The following NTRK3 variants were observed in gnomAD, a reference collection of about 807,000 sequenced individuals.
The protein encoded by NTRK3 is NT-3 growth factor receptor.
NTRK3 carries 24 observed loss-of-function variants against 91.7 expected under a neutral mutation model. The observed-to-expected ratio is 0.26, with a 90% CI of 0.19 to 0.37. The LOEUF is 0.37. NTRK3 is among the 10% of genes least tolerant of loss of function. The probability of loss-of-function intolerance (pLI) is 1.00; values close to 1 mark genes in which losing one functional copy is unlikely to be tolerated. For missense variants in NTRK3, 880 were observed against 1,068.9 expected (o/e 0.82, Z 2.46); for synonymous variants, 483 against 404.0 (o/e 1.20, Z -2.34).
chr15:87,935,812 C>T (rs1463921833), intron 15 of NTRK3, among the ~76,000 whole-genome samples: 1 of 152,208 alleles, frequency 6.6e-6, no homozygotes, highest in African/African-American at 2.4e-5. Flanking sequence ...TGGCACCCTG[C>T]ACTGTGAGGC....
intron 3 of NTRK3, among the ~76,000 whole-genome samples, chr15:88,247,699 G>T (rs1486942319): frequency 6.6e-6 from 1 of 152,174 alleles, no homozygotes; most frequent in Non-Finnish European, 1.5e-5. Flanking sequence ...AGCTCACACA[G>T]CCAAGAAGCA....
chr15:88,007,065 A>C (rs1484950027), intron 14 of NTRK3, among the ~76,000 whole-genome samples: 5 of 152,028 alleles, frequency 3.3e-5, no homozygotes, highest in Non-Finnish European at 5.9e-5. Flanking sequence ...AAAATGAAAA[A>C]ACCTAGCGTG....
chr15:87,944,791 G>A (rs2070278746), intron 14 of NTRK3, among the ~76,000 whole-genome samples: 1 of 152,214 alleles, frequency 6.6e-6, no homozygotes, highest in Non-Finnish European at 1.5e-5. Context: ...GGGGAGAAGA[G>A]TGTATCTGGG....
chr15:88,144,388 TA>T (rs1454233422), intron 6 of NTRK3, among the ~76,000 whole-genome samples: 8 of 151,838 alleles, frequency 5.3e-5, no homozygotes, highest in African/African-American at 1.7e-4. Flanking sequence ...CCCACAAAAA[TA>T]AATGAGAGAA....
At chr15:87,904,076 G>A (rs769853723) in intron 17 of NTRK3, among the ~76,000 whole-genome samples, 3 of 152,040 alleles carry the variant, frequency 2.0e-5, no homozygotes, top group South Asian at 4.1e-4. Flanking sequence ...GTTTGGGTGG[G>A]GAGATATCCC....
At chr15:88,111,340 G>T (rs1205002777) in intron 13 of NTRK3, among the ~76,000 whole-genome samples, 1 of 152,200 alleles carries the variant, frequency 6.6e-6, no homozygotes, top group Non-Finnish European at 1.5e-5. Context: ...TGGAGAGAGA[G>T]AAAGACAGCA....
At chr15:88,190,356 C>T (rs2047289707) in intron 3 of NTRK3, among the ~76,000 whole-genome samples, 1 of 152,262 alleles carries the variant, frequency 6.6e-6, no homozygotes, top group East Asian at 1.9e-4. Flanking sequence ...CCTTTTTAAA[C>T]AGAGTAGACA....
At chr15:87,874,790 C>G (rs541625945) in exon 19 of NTRK3, 1 of 231,718 alleles carries the variant, frequency 4.3e-6, no homozygotes, top group South Asian at 1.8e-4. Context: ...CCCGGCATAA[C>G]GGTCCTCTAG....
chr15:88,139,276 G>A (rs967814544), intron 6 of NTRK3, among the ~76,000 whole-genome samples: 1 of 152,156 alleles, frequency 6.6e-6, no homozygotes, highest in Non-Finnish European at 1.5e-5. Context: ...CCAAAACTCA[G>A]AGTAAAGGGC....
intron 5 of NTRK3, among the ~76,000 whole-genome samples, chr15:88,172,069 C>G (rs2045573328): frequency 6.6e-6 from 1 of 152,206 alleles, no homozygotes; most frequent in Admixed American, 6.5e-5. Flanking sequence ...CTGGGAGACC[C>G]AGTACCCTTT....
chr15:88,187,329 A>G (rs2047021725), intron 3 of NTRK3, among the ~76,000 whole-genome samples: 1 of 152,164 alleles, frequency 6.6e-6, no homozygotes, highest in Non-Finnish European at 1.5e-5. Flanking sequence ...GAGGAAGAGC[A>G]AGAGGATGAA....
intron 13 of NTRK3, chr15:88,072,779 C>A (rs2047204019): frequency 4.3e-6 from 1 of 233,106 alleles, no homozygotes; most frequent in Non-Finnish European, 8.5e-6. Flanking sequence ...GACTGCCAGG[C>A]TGAGGAGCAA....
At chr15:87,979,480 G>GAA in intron 14 of NTRK3, 10 of 1,481,842 alleles carry the variant, frequency 6.7e-6, no homozygotes, top group Non-Finnish European at 9.3e-6. Flanking sequence ...AAAACAAAAA[G>GAA]AAAAAAAAAC....
chr15:88,196,858 T>G (rs1166216558), intron 3 of NTRK3, among the ~76,000 whole-genome samples: 1 of 152,180 alleles, frequency 6.6e-6, no homozygotes, highest in East Asian at 1.9e-4. Flanking sequence ...ACCTGTCTCC[T>G]GTCCTGAAGT....
At chr15:88,078,060 C>T (rs1327222031) in intron 13 of NTRK3, among the ~76,000 whole-genome samples, 2 of 152,184 alleles carry the variant, frequency 1.3e-5, no homozygotes, top group African/African-American at 4.8e-5. Context: ...AGGGGCCATG[C>T]CTCTAAGAAT....
chr15:88,016,226 G>C (rs980961336), intron 14 of NTRK3, among the ~76,000 whole-genome samples: 1 of 152,096 alleles, frequency 6.6e-6, no homozygotes. Flanking sequence ...TAGGTGTTCT[G>C]TCTGTTTTCT....
chr15:88,061,603 A>G (rs1195939200), intron 13 of NTRK3, among the ~76,000 whole-genome samples: 2 of 152,236 alleles, frequency 1.3e-5, no homozygotes, highest in Admixed American at 1.3e-4. Context: ...ACGGACACTC[A>G]CGCCCCCGCA....
chr15:87,904,091 T>A (rs1014709842), intron 17 of NTRK3, among the ~76,000 whole-genome samples: 1 of 152,050 alleles, frequency 6.6e-6, no homozygotes, highest in East Asian at 1.9e-4. Context: ...TATCCCAGCA[T>A]GCTACTTTAA....
At chr15:88,015,046 G>C (rs2077131788) in intron 14 of NTRK3, among the ~76,000 whole-genome samples, 1 of 152,186 alleles carries the variant, frequency 6.6e-6, no homozygotes, top group South Asian at 2.1e-4. Flanking sequence ...AACGTTCCCT[G>C]TGCTGAAAGG....
Sources: gnomAD v4.1 joint callset for allele counts (sites outside exome capture counted in the v4.1 genomes callset) on GRCh38, gnomAD v4.1.1 for gene constraint, MANE v1.5 for transcripts, NCBI Gene and HGNC (gene_info 2026-07-23, HGNC 2026-07-21) for gene names.